CA1: variants seen among roughly 807,000 people sequenced by gnomAD.
CA1 encodes carbonate dehydratase I.
Under a neutral mutation model 28.8 loss-of-function variants are expected in CA1, and 27 were observed. That is an observed-to-expected ratio of 0.94 (90% CI 0.69 to 1.29). CA1 has a LOEUF of 1.29. Ranked by LOEUF, CA1 falls within the 50% of genes most tolerant of loss-of-function variation. The pLI, the probability that CA1 is intolerant of heterozygous loss-of-function variation, is 0.00. For missense variants in CA1, 335 were observed against 310.5 expected (o/e 1.08, Z -0.59); for synonymous variants, 121 against 108.8 (o/e 1.11, Z -0.70).
At chr8:85,344,582 AT>A (rs1191604803) in intron 1 of CA1, among the ~76,000 whole-genome samples, 1 of 151,622 alleles carries the variant, frequency 6.6e-6, no homozygotes, top group Non-Finnish European at 1.5e-5. Flanking sequence ...TTTTCATCTA[AT>A]TTTTATTTTA....
At chr8:85,372,393 A>G (rs761696895) in intron 1 of CA1, among the ~76,000 whole-genome samples, 2 of 152,226 alleles carry the variant, frequency 1.3e-5, no homozygotes, top group Non-Finnish European at 2.9e-5. Context: ...AGCTGTCACC[A>G]TTGTGGAAAG....
At chr8:85,334,602 CCCTTCCTTCCTCCCTCCCTT>C (rs1808562481) in intron 4 of CA1, among the ~76,000 whole-genome samples, 1 of 146,286 alleles carries the variant, frequency 6.8e-6, no homozygotes, top group Non-Finnish European at 1.5e-5. Flanking sequence ...CTCCCTCCCT[CCCTTCCTTCCTCCCTCCCTT>C]CCTTCCTTCC....
intron 2 of CA1, 179 bp downstream of exon 2, chr8:85,341,420 A>G (rs1808924570): frequency 3.7e-6 from 2 of 537,230 alleles, no homozygotes; most frequent in Non-Finnish European, 6.6e-6. Context: ...CATATTTTGT[A>G]GTCAGCCATG....
At chr8:85,336,609 G>A (rs1228918997) in intron 4 of CA1, among the ~76,000 whole-genome samples, 1 of 152,138 alleles carries the variant, frequency 6.6e-6, no homozygotes, top group African/African-American at 2.4e-5. Context: ...AAATAAAGAG[G>A]AAATGATGGT....
chr8:85,357,794 C>T (rs1029262032), intron 1 of CA1, among the ~76,000 whole-genome samples: 13 of 152,218 alleles, frequency 8.5e-5, no homozygotes, highest in African/African-American at 3.1e-4. Flanking sequence ...AATGAAACCC[C>T]CAGGAGGGTA....
At chr8:85,361,944 A>T (rs1809813038) in intron 1 of CA1, among the ~76,000 whole-genome samples, 1 of 152,000 alleles carries the variant, frequency 6.6e-6, no homozygotes, top group Non-Finnish European at 1.5e-5. Context: ...GAGAGGTAAT[A>T]TAGTAGTTTT....
At chr8:85,360,967 G>A (rs780840388) in intron 1 of CA1, among the ~76,000 whole-genome samples, 3 of 152,150 alleles carry the variant, frequency 2.0e-5, no homozygotes, top group East Asian at 1.9e-4. Context: ...GGGAGACCAC[G>A]CTCCTGTAGG....
At chr8:85,368,864 T>G (rs975597043) in intron 1 of CA1, among the ~76,000 whole-genome samples, 23 of 152,108 alleles carry the variant, frequency 1.5e-4, no homozygotes, top group Non-Finnish European at 8.8e-5. Flanking sequence ...TTCCAACAGG[T>G]CCTCCTTCCC....
At position 85,328,533 on chromosome 8, in the gene CA1, G is replaced by C. The variant is rs913082039; in HGVS notation, c.*27C>G. 3 of 1,233,666 alleles carry C rather than the reference G, an allele frequency of 2.4e-6. No homozygotes were observed. In the African/African-American group the frequency reaches 4.5e-5, roughly 18 times the overall value. The allele number at this position is 1,233,666 out of a possible 1,614,324, so 76.4% of individuals were successfully genotyped here. A position where few individuals can be genotyped will look rare whatever the true frequency, so the allele number is the denominator to read the frequency against. ...GTCAGAAGCAGGGCTGTGTTCTTGA[G>C]GAAGGACAAGTTTCTTCTCAGAATC... On this transcript the variant is annotated 3_prime_UTR_variant, in exon 8 of 8. Coordinates refer to ENST00000523022, the MANE Select transcript of CA1 (RefSeq NM_001128831.4).
intron 2 of CA1, chr8:85,340,960 C>G (rs564826706): frequency 6.6e-6 from 1 of 152,270 alleles, no homozygotes; most frequent in Non-Finnish European, 1.5e-5. Flanking sequence ...CTGGCTAACA[C>G]GGTGGAACCC....
chr8:85,336,606 G>A (rs1001934429), intron 4 of CA1, among the ~76,000 whole-genome samples: 2 of 152,166 alleles, frequency 1.3e-5, no homozygotes, highest in Non-Finnish European at 2.9e-5. Context: ...TTTAAATAAA[G>A]AGGAAATGAT....
chr8:85,375,408 A>T (rs1810372776), intron 1 of CA1, among the ~76,000 whole-genome samples: 1 of 152,172 alleles, frequency 6.6e-6, no homozygotes, highest in African/African-American at 2.4e-5. Context: ...CACTTTCAGA[A>T]AATTAACAGC....
chr8:85,344,230 TATATAATATATAATTATATATTA>T (rs1809060575), intron 1 of CA1, among the ~76,000 whole-genome samples: 1 of 111,610 alleles, frequency 9.0e-6, no homozygotes, highest in Admixed American at 1.0e-4. Flanking sequence ...TTATATACAG[TATATAATATATAATTATATATTA>T]TATACAGTAT....
At position 85,336,925 on chromosome 8, in the gene CA1, CACTT is replaced by C. The variant is rs774481988; in HGVS notation, c.354+16_354+19del. 6.4e-6 allele frequency: 9 copies of C among 1,401,150 alleles called. No homozygotes were observed. Among genetic ancestry groups the C allele is most frequent in the South Asian group, 1.2e-5 (1 of 86,856 alleles). 86.8% of individuals were successfully genotyped at this position (1,401,150 alleles called of 1,614,324 possible). A position where few individuals can be genotyped will look rare whatever the true frequency, so the allele number is the denominator to read the frequency against. On this transcript the variant is annotated intron_variant, in intron 4 of 7. Transcript: ENST00000523022. Reference sequence around the variant, plus strand: ...GAGTACTCTCAGGGTAATTATCTCTCACTTACTAAATTACATTACCTCGGCAGAA... The same window carrying C: ...GAGTACTCTCAGGGTAATTATCTCTCACTAAATTACATTACCTCGGCAGAA...
Position 85,331,127 on chromosome 8 carries a change from A to G in CA1, c.514-1283T>C, listed in dbSNP as rs1808377088. Among the ~76,000 whole-genome samples the G allele has an allele frequency of 2.6e-5, 4 of 152,200 alleles. No individual in the cohort carries two copies. The South Asian group carries it at 6.2e-4, about 24-fold the overall frequency. On this transcript the variant is annotated intron_variant, in intron 6 of 7. Transcript: ENST00000523022. ...TACATTTTGACTATTGTTTAAATTT[A>G]CTTTTAGGTTCTCAGTCTATTTAGG... is the stretch of plus-strand genomic sequence containing the variant.
chr8:85,359,991 C>T (rs551918780), intron 1 of CA1, among the ~76,000 whole-genome samples: 1 of 152,156 alleles, frequency 6.6e-6, no homozygotes, highest in Non-Finnish European at 1.5e-5. Context: ...AGACAAATTA[C>T]GTTTTCTGGT....
intron 1 of CA1, among the ~76,000 whole-genome samples, chr8:85,369,566 T>C (rs1040212823): frequency 6.6e-6 from 1 of 152,182 alleles, no homozygotes; most frequent in African/African-American, 2.4e-5. Flanking sequence ...TGAAATGCCG[T>C]GGACTGGTAG....
chr8:85,333,853 C>T (rs1193202190), intron 4 of CA1, among the ~76,000 whole-genome samples: 3 of 152,082 alleles, frequency 2.0e-5, no homozygotes, highest in African/African-American at 2.4e-5. Flanking sequence ...TCCTTTCCTA[C>T]GATATTGTTA....
chr8:85,360,036 G>T (rs1338013902), intron 1 of CA1, among the ~76,000 whole-genome samples: 1 of 152,152 alleles, frequency 6.6e-6, no homozygotes, highest in Admixed American at 6.5e-5. Flanking sequence ...CACTGAAAAA[G>T]CAAGCTATGG....
Sources: allele counts gnomAD v4.1 joint callset (sites outside exome capture counted in the v4.1 genomes callset), GRCh38; gene constraint gnomAD v4.1.1; transcripts MANE v1.5; gene names NCBI Gene and HGNC (gene_info 2026-07-23, HGNC 2026-07-21).